INTS15: variants seen among roughly 807,000 people sequenced by gnomAD.
INTS15 encodes integrator complex subunit 15.
At chr7:6,595,499 A>C in the INTS15 span, among the ~76,000 whole-genome samples, 2 of 152,084 alleles carry the variant, frequency 1.3e-5, no homozygotes, top group African/African-American at 4.8e-5. Flanking sequence ...TAAAAGCTAA[A>C]GGTGTGGACC....
chr7:6,608,245 T>G, the INTS15 span: 7 of 1,509,338 alleles, frequency 4.6e-6, no homozygotes, highest in Non-Finnish European at 6.2e-6. Flanking sequence ...GAAGAGAACC[T>G]CGGGGAAGGG....
chr7:6,599,195 T>C, the INTS15 span, among the ~76,000 whole-genome samples: 1 of 152,160 alleles, frequency 6.6e-6, no homozygotes, highest in Non-Finnish European at 1.5e-5. Context: ...AGTTCGTCTG[T>C]GTAAAGCGTT....
the INTS15 span, among the ~76,000 whole-genome samples, chr7:6,603,593 C>CT: frequency 6.6e-6 from 1 of 151,900 alleles, no homozygotes; most frequent in South Asian, 2.1e-4. Flanking sequence ...AATCCCAGCA[C>CT]TTCGGGAGGC....
chr7:6,596,493 C>G, the INTS15 span, among the ~76,000 whole-genome samples: 20 of 149,622 alleles, frequency 1.3e-4, no homozygotes, highest in African/African-American at 4.7e-4. Context: ...ATTCTCTTTC[C>G]TCAGCCTCCC....
the INTS15 span, among the ~76,000 whole-genome samples, chr7:6,606,368 G>A: frequency 7.0e-6 from 1 of 142,392 alleles, no homozygotes; most frequent in Non-Finnish European, 1.6e-5. Flanking sequence ...CCCCTTGATG[G>A]AGTATGGGGG....
the INTS15 span, chr7:6,607,978 C>G: frequency 1.9e-6 from 3 of 1,600,106 alleles, no homozygotes; most frequent in South Asian, 2.2e-5. This position sits in a 1 kb window ranked among gnomAD's most constrained non-coding sequence, Gnocchi z 6.0. Flanking sequence ...AGCTGGTGAT[C>G]TCGGGTCCCG....
the INTS15 span, among the ~76,000 whole-genome samples, chr7:6,604,918 CACAG>C: frequency 6.6e-6 from 1 of 152,148 alleles, no homozygotes; most frequent in African/African-American, 2.4e-5. Flanking sequence ...ATGACAGCAG[CACAG>C]ACAGATCAGA....
At chr7:6,606,626 G>C in the INTS15 span, among the ~76,000 whole-genome samples, 26 of 152,232 alleles carry the variant, frequency 1.7e-4, no homozygotes, top group South Asian at 5.2e-3. Context: ...GCTTCCGATG[G>C]GGGAAGCAAG....
the INTS15 span, chr7:6,607,654 C>T: frequency 3.3e-6 from 5 of 1,494,494 alleles, no homozygotes; most frequent in Non-Finnish European, 4.5e-6. This position sits in a 1 kb window ranked among gnomAD's most constrained non-coding sequence, Gnocchi z 6.0. Flanking sequence ...TCTGTGTGTC[C>T]CAGCGCAGCA....
At chr7:6,602,296 C>G in the INTS15 span, 25 of 596,058 alleles carry the variant, frequency 4.2e-5, no homozygotes, top group African/African-American at 7.5e-5. Context: ...GAATGGAACT[C>G]AAGTAGAAAG....
the INTS15 span, among the ~76,000 whole-genome samples, chr7:6,603,998 TAAAAA>T: frequency 6.8e-6 from 1 of 146,938 alleles, no homozygotes; most frequent in African/African-American, 2.5e-5. Context: ...CCCTGTCTCT[TAAAAA>T]AAAAAAGAAA....
chr7:6,607,969 G>C, the INTS15 span: 4 of 1,599,904 alleles, frequency 2.5e-6, no homozygotes, highest in Non-Finnish European at 8.5e-7. This position sits in a 1 kb window ranked among gnomAD's most constrained non-coding sequence, Gnocchi z 6.0. Flanking sequence ...GCCTCCTCCA[G>C]CTGGTGATCT....
At chr7:6,604,666 G>C in the INTS15 span, among the ~76,000 whole-genome samples, 1 of 152,168 alleles carries the variant, frequency 6.6e-6, no homozygotes, top group Non-Finnish European at 1.5e-5. Flanking sequence ...CAGAGCGCTG[G>C]GCAGCGCTCG....
At chr7:6,598,005 C>T in the INTS15 span, among the ~76,000 whole-genome samples, 124 of 152,290 alleles carry the variant, frequency 8.1e-4, 1 homozygote, top group African/African-American at 2.7e-3. Flanking sequence ...ACTCATGAAG[C>T]GAACATGCCA....
At chr7:6,590,265 G>A in the INTS15 span, 5 of 1,500,492 alleles carry the variant, frequency 3.3e-6, no homozygotes, top group East Asian at 1.1e-4. Context: ...CTCGGCGCGG[G>A]GGCCGCGGCG....
chr7:6,591,074 A>C, the INTS15 span, among the ~76,000 whole-genome samples: 3 of 147,084 alleles, frequency 2.0e-5, no homozygotes, highest in Non-Finnish European at 1.5e-5. Context: ...CCTGGGCTCA[A>C]GATTCTCTCT....
chr7:6,592,516 G>A, the INTS15 span, among the ~76,000 whole-genome samples: 4 of 151,634 alleles, frequency 2.6e-5, no homozygotes, highest in Non-Finnish European at 4.4e-5. Context: ...GCCGTGAGCC[G>A]AGATTGTGTC....
chr7:6,596,634 C>T, the INTS15 span, among the ~76,000 whole-genome samples: 1 of 151,950 alleles, frequency 6.6e-6, no homozygotes, highest in African/African-American at 2.4e-5. Flanking sequence ...CTGGCTCAGT[C>T]TCCCAAAGTG....
At chr7:6,594,162 C>A in the INTS15 span, among the ~76,000 whole-genome samples, 3 of 151,790 alleles carry the variant, frequency 2.0e-5, no homozygotes, top group Non-Finnish European at 4.4e-5. Flanking sequence ...GCATGCCCCA[C>A]CATTCCCAGT....
Sources: gnomAD v4.1 joint callset for allele counts (sites outside exome capture counted in the v4.1 genomes callset) on GRCh38, gnomAD v4.1.1 for gene constraint, Gnocchi (gnomAD v3.1) non-coding constraint, MANE v1.5 for transcripts, NCBI Gene and HGNC (gene_info 2026-07-23, HGNC 2026-07-21) for gene names.